NAV2: variants seen among roughly 807,000 people sequenced by gnomAD.
The protein encoded by NAV2 is neuron navigator 2.
In NAV2, 54 loss-of-function variants were observed where a neutral mutation model predicts 223.2. The ratio of observed to expected loss-of-function variants is 0.24; its 90% CI spans 0.19 to 0.30. NAV2 has a LOEUF of 0.30. Among genes scored for constraint, NAV2 ranks in the 10% least tolerant of loss-of-function variants. NAV2 has a pLI of 1.00. For synonymous variants in NAV2, 1,279 were observed against 1,239.3 expected, an observed-to-expected ratio of 1.03 and a Z score of -0.67; for missense variants, 2,806 against 3,147.5, an observed-to-expected ratio of 0.89 and a Z score of 2.60.
At chr11:19,633,647 T>G (rs976407383) in intron 1 of NAV2, among the ~76,000 whole-genome samples, 5 of 152,270 alleles carry the variant, frequency 3.3e-5, no homozygotes, top group Admixed American at 3.3e-4. Flanking sequence ...TCTCCCCATG[T>G]TCACGGACTG....
intron 28 of NAV2, among the ~76,000 whole-genome samples, chr11:20,092,644 G>A (rs965636984): frequency 5.9e-5 from 9 of 152,120 alleles, no homozygotes; most frequent in Non-Finnish European, 1.0e-4. Context: ...TCCATTTTAA[G>A]AGGCTGACCT....
chr11:19,488,363 C>CTA (rs1425459538), intron 1 of NAV2, among the ~76,000 whole-genome samples: 1 of 152,264 alleles, frequency 6.6e-6, no homozygotes, highest in Non-Finnish European at 1.5e-5. Flanking sequence ...TTTATACTCA[C>CTA]TCAATGTGCA....
At chr11:19,944,696 T>TTCTTTCCTTCCTTCCTTC (rs1565613417) in intron 8 of NAV2, among the ~76,000 whole-genome samples, 1 of 144,342 alleles carries the variant, frequency 6.9e-6, no homozygotes, top group African/African-American at 2.8e-5. Context: ...TTTCTTTCTT[T>TTCTTTCCTTCCTTCCTTC]CTTCCTTCTT....
At chr11:19,403,205 A>C (rs1175017699) in intron 1 of NAV2, among the ~76,000 whole-genome samples, 2 of 152,218 alleles carry the variant, frequency 1.3e-5, no homozygotes, top group African/African-American at 2.4e-5. Context: ...TATTTGTTAA[A>C]CCAGCAGCCA....
At position 19,434,159 on chromosome 11, in the gene NAV2, T is replaced by C. The variant is rs115078150; in HGVS notation, c.75+83132T>C. Among the ~76,000 whole-genome samples the C allele has an allele frequency of 5.3e-3, 808 of 151,824 alleles. 6 individuals are homozygous for C. The highest frequency in any genetic ancestry group is 0.019 in the African/African-American group (775 of 41,438). On this transcript the variant is annotated intron_variant, in intron 1 of 37. Transcript: ENST00000360655. ...GATATTGGTGAACACCAGCAGTCTG[T>C]TATAAGAAACAGAAGATGTGGTTTT...
intron 1 of NAV2, among the ~76,000 whole-genome samples, chr11:19,365,974 G>T (rs1421543198): frequency 6.6e-6 from 1 of 152,240 alleles, no homozygotes; most frequent in Non-Finnish European, 1.5e-5. Context: ...TGCCCTTTTA[G>T]TAAGAAGTGA....
intron 1 of NAV2, among the ~76,000 whole-genome samples, chr11:19,563,603 G>A (rs1396953168): frequency 3.3e-5 from 5 of 152,176 alleles, no homozygotes; most frequent in Non-Finnish European, 5.9e-5. Flanking sequence ...TTGTTAAAAT[G>A]CTGAGTCCTG....
At position 20,053,496 on chromosome 11, in the gene NAV2, G is replaced by A. The variant is rs181967638; in HGVS notation, c.4482-584G>A. Among the ~76,000 whole-genome samples the A allele has an allele frequency of 1.6e-3, 246 of 152,304 alleles. 1 individual carries two copies. In the South Asian group the frequency reaches 0.021, roughly 13 times the overall value. ...TATACATTTCAGAATAAATGAGGTG[G>A]TGGACCACATAACTTCTGAAGACCC... On this transcript the variant is annotated intron_variant, in intron 17 of 37. Coordinates refer to ENST00000349880, the MANE Select transcript of NAV2 (RefSeq NM_145117.5).
chr11:19,739,758 A>T (rs1441573452), intron 1 of NAV2, among the ~76,000 whole-genome samples: 1 of 152,166 alleles, frequency 6.6e-6, no homozygotes, highest in African/African-American at 2.4e-5. Flanking sequence ...CAGTGATGGA[A>T]ACAGAGGAGA....
intron 1 of NAV2, among the ~76,000 whole-genome samples, chr11:19,775,498 C>G (rs918635717): frequency 6.6e-6 from 1 of 152,192 alleles, no homozygotes; most frequent in East Asian, 1.9e-4. Flanking sequence ...TTACTGAGCT[C>G]CCACTATGGG....
intron 1 of NAV2, among the ~76,000 whole-genome samples, chr11:19,560,894 A>T (rs75999209): frequency 0.035 from 5,273 of 152,202 alleles, 297 homozygotes; most frequent in African/African-American, 0.11. Flanking sequence ...AGTTTGAGAA[A>T]CTCTGGGTTA....
intron 1 of NAV2, among the ~76,000 whole-genome samples, chr11:19,745,516 TG>T (rs1175843127): frequency 6.6e-6 from 1 of 152,048 alleles, no homozygotes; most frequent in Non-Finnish European, 1.5e-5. Flanking sequence ...TTCCTGCCCC[TG>T]GCTTTTGACA....
intron 10 of NAV2, among the ~76,000 whole-genome samples, chr11:19,950,261 A>T (rs890636551): frequency 1.3e-5 from 2 of 152,194 alleles, no homozygotes; most frequent in Non-Finnish European, 2.9e-5. Context: ...TTTATAATTT[A>T]AATAATAGCT....
rs1472180421 is a variant in NAV2, at chr11:19,713,513, C to T, written c.-183C>T. ...AGTCCCCCATTCCCATCCCGGCACC[C>T]CAAAGGCGCGCTCGCCCGATTGCTT... is the stretch of plus-strand genomic sequence containing the variant. On this transcript the variant is annotated 5_prime_UTR_variant, in exon 1 of 38. Coordinates refer to ENST00000349880, the MANE Select transcript of NAV2 (RefSeq NM_145117.5). This position sits in a 1 kb window ranked among gnomAD's most constrained non-coding sequence, Gnocchi z 7.2. 7 of 1,393,378 alleles carry T rather than the reference C, an allele frequency of 5.0e-6. No individual in the cohort carries two copies. The highest frequency in any genetic ancestry group is 6.5e-6 in the Non-Finnish European group (7 of 1,079,398). 86.3% of individuals were successfully genotyped at this position (1,393,378 alleles called of 1,614,324 possible). A position where few individuals can be genotyped will look rare whatever the true frequency, so the allele number is the denominator to read the frequency against.
At chr11:20,021,301 A>T (rs556717069) in intron 11 of NAV2, among the ~76,000 whole-genome samples, 7 of 152,310 alleles carry the variant, frequency 4.6e-5, no homozygotes, top group African/African-American at 1.7e-4. Flanking sequence ...CACATTGCAG[A>T]TGCTTTATAA....
intron 1 of NAV2, among the ~76,000 whole-genome samples, chr11:19,727,465 G>A (rs888472222): frequency 6.6e-6 from 1 of 152,200 alleles, no homozygotes; most frequent in Admixed American, 6.5e-5. Flanking sequence ...TAGGAGGCAG[G>A]ATGCTTCCCA....
At chr11:19,462,445 T>C (rs1852199588) in intron 1 of NAV2, among the ~76,000 whole-genome samples, 1 of 152,202 alleles carries the variant, frequency 6.6e-6, no homozygotes, top group South Asian at 2.1e-4. Context: ...AATTAAGAGC[T>C]AGGATTCAGA....
chr11:19,961,360 G>C (rs1316490419), intron 10 of NAV2, among the ~76,000 whole-genome samples: 2 of 152,182 alleles, frequency 1.3e-5, no homozygotes, highest in East Asian at 3.9e-4. Context: ...ATGATGGGAA[G>C]GTTGGAGAAT....
intron 1 of NAV2, among the ~76,000 whole-genome samples, chr11:19,668,276 G>A (rs182300449): frequency 1.1e-3 from 161 of 152,258 alleles, no homozygotes; most frequent in African/African-American, 3.5e-3. Flanking sequence ...GGTGGCTTAC[G>A]CCTGTAATCT....
Sources: gnomAD v4.1 joint callset for allele counts (sites outside exome capture counted in the v4.1 genomes callset) on GRCh38, gnomAD v4.1.1 for gene constraint, Gnocchi (gnomAD v3.1) non-coding constraint, MANE v1.5 for transcripts, NCBI Gene and HGNC (gene_info 2026-07-23, HGNC 2026-07-21) for gene names.